Variants in CNTNAP2 observed in about 807,000 individuals in gnomAD.
CNTNAP2 encodes contactin associated protein 2.
CNTNAP2 carries 98 observed loss-of-function variants against 155.2 expected under a neutral mutation model. The ratio of observed to expected loss-of-function variants is 0.63; its 90% confidence interval spans 0.54 to 0.75. The LOEUF (loss-of-function observed/expected upper bound fraction) is 0.75, where lower values mean the gene tolerates loss of function less well. Ranked by LOEUF, CNTNAP2 falls within the 30% of genes least tolerant of loss-of-function variation. The pLI is 0.00. For synonymous variants in CNTNAP2, 651 were observed against 631.2 expected, an observed-to-expected ratio of 1.03 and a Z score of -0.47; for missense variants, 1,727 against 1,688.1, an observed-to-expected ratio of 1.02 and a Z score of -0.40.
chr7:148,110,435 C>T (rs1161951198), intron 15 of CNTNAP2, among the ~76,000 whole-genome samples: 1 of 151,838 alleles, frequency 6.6e-6, no homozygotes, highest in Non-Finnish European at 1.5e-5. Flanking sequence ...ATCACTCCCA[C>T]CCCCCACCAC....
rs150317450 is a variant in CNTNAP2, at chr7:148,363,504, G to C, written c.3476-20145G>C. Among the ~76,000 whole-genome samples, 926 of 152,324 alleles carry C rather than the reference G, an allele frequency of 6.1e-3. 6 individuals are homozygous for C. The highest frequency in any genetic ancestry group is 0.034 in the Middle Eastern group (10 of 294). ...CAAAAGGACTGCTTTTGCAGGGTGAGCTCAAAAACGTACGATGGGTTTACT... is the reference window on the plus strand; with the variant it reads ...CAAAAGGACTGCTTTTGCAGGGTGACCTCAAAAACGTACGATGGGTTTACT... On this transcript the variant is annotated intron_variant, in intron 21 of 23. Coordinates refer to ENST00000361727, the MANE Select transcript of CNTNAP2 (RefSeq NM_014141.6).
At chr7:146,759,999 T>C (rs1802063599) in intron 1 of CNTNAP2, among the ~76,000 whole-genome samples, 1 of 152,184 alleles carries the variant, frequency 6.6e-6, no homozygotes, top group South Asian at 2.1e-4. Context: ...AGGGAGCTTT[T>C]ACAAGTGCTG....
At chr7:148,081,515 C>T (rs1172713658) in intron 15 of CNTNAP2, among the ~76,000 whole-genome samples, 1 of 152,082 alleles carries the variant, frequency 6.6e-6, no homozygotes. Context: ...TTCTCCCATG[C>T]TTGATGCTTC....
chr7:147,176,702 T>A (rs376950968), intron 8 of CNTNAP2, among the ~76,000 whole-genome samples: 10 of 56,988 alleles, frequency 1.8e-4, no homozygotes, highest in African/African-American at 3.5e-4. Flanking sequence ...AATTATATAT[T>A]ATATATAATA....
chr7:148,065,386 T>C (rs776132912), intron 15 of CNTNAP2, among the ~76,000 whole-genome samples: 1 of 152,170 alleles, frequency 6.6e-6, no homozygotes, highest in Non-Finnish European at 1.5e-5. Context: ...CAGTGGAATA[T>C]TGAAGCCCCC....
At chr7:147,277,822 A>G (rs1234330129) in intron 8 of CNTNAP2, among the ~76,000 whole-genome samples, 2 of 151,424 alleles carry the variant, frequency 1.3e-5, no homozygotes, top group East Asian at 3.9e-4. Flanking sequence ...GGCCACAATA[A>G]TTTTTCCTTT....
At chr7:147,110,050 G>A (rs970940521) in intron 5 of CNTNAP2, among the ~76,000 whole-genome samples, 1 of 151,888 alleles carries the variant, frequency 6.6e-6, no homozygotes, top group Non-Finnish European at 1.5e-5. Context: ...TCAGCCTCCC[G>A]AGTAGCTGGG....
chr7:146,835,053 A>G (rs574273124), intron 2 of CNTNAP2, among the ~76,000 whole-genome samples: 2 of 152,168 alleles, frequency 1.3e-5, no homozygotes, highest in African/African-American at 4.8e-5. Context: ...CTCCACATAT[A>G]TTTCTGCTAA....
At chr7:146,664,106 G>A (rs746068195) in intron 1 of CNTNAP2, among the ~76,000 whole-genome samples, 2 of 148,262 alleles carry the variant, frequency 1.3e-5, no homozygotes, top group East Asian at 2.0e-4. Flanking sequence ...TTTATCATGC[G>A]TAAAGATGAG....
At chr7:146,602,839 T>C (rs369162766) in intron 1 of CNTNAP2, among the ~76,000 whole-genome samples, 1 of 152,176 alleles carries the variant, frequency 6.6e-6, no homozygotes, top group South Asian at 2.1e-4. Flanking sequence ...AAAGATTGTA[T>C]AGGATGGGGG....
rs1214476932 is a variant in CNTNAP2, at chr7:146,587,997, CGTGTGTGTATGTGTGTGT to C, written c.98-186265_98-186248del. Among the ~76,000 whole-genome samples, 6 of 135,780 alleles carry C rather than the reference CGTGTGTGTATGTGTGTGT, an allele frequency of 4.4e-5. 1 individual carries two copies. The highest frequency in any genetic ancestry group is 9.2e-5 in the Non-Finnish European group (6 of 65,224). 89.1% of individuals were successfully genotyped at this position (135,780 alleles called of 152,430 possible). A position where few individuals can be genotyped will look rare whatever the true frequency, so the allele number is the denominator to read the frequency against. ...CCTGATGATTAATTTTCAAACAAAC[CGTGTGTGTATGTGTGTGT>C]GTGTGTGTGTGTGTGTGTAAATGTC... On this transcript the variant is annotated intron_variant, in intron 1 of 23. Transcript: ENST00000361727.
rs145141389 is a variant in CNTNAP2 at position 147,014,612 on chromosome 7, G to A, written c.403-29295G>A. ...TTGGTTTAACATAATGTTCAAATCC[G>A]AAAGCCTGCTTTGCTCACCAACACC... On this transcript the variant is annotated intron_variant, in intron 3 of 23. Coordinates refer to ENST00000361727, the MANE Select transcript of CNTNAP2 (RefSeq NM_014141.6). 6.3e-3 allele frequency among the ~76,000 whole-genome samples: 950 copies of A among 151,994 alleles called. 9 individuals carry two copies. The highest frequency in any genetic ancestry group is 0.021 in the African/African-American group (858 of 41,458).
At chr7:146,944,043 T>C (rs182279155) in intron 3 of CNTNAP2, among the ~76,000 whole-genome samples, 9 of 152,264 alleles carry the variant, frequency 5.9e-5, no homozygotes, top group Admixed American at 5.9e-4. Flanking sequence ...TGGTACCATA[T>C]ATGGTCTGCG....
At chr7:146,335,795 A>T (rs1801264222) in intron 1 of CNTNAP2, among the ~76,000 whole-genome samples, 1 of 152,166 alleles carries the variant, frequency 6.6e-6, no homozygotes, top group Admixed American at 6.5e-5. Flanking sequence ...CACCATAGAG[A>T]AGGTGTTAGA....
At chr7:147,082,914 C>T (rs904336578) in intron 4 of CNTNAP2, 6 of 152,108 alleles carry the variant, frequency 3.9e-5, no homozygotes, top group Non-Finnish European at 5.9e-5. Context: ...TGGCCACACC[C>T]TTTCAGTTCT....
At chr7:147,861,880 G>A (rs999832817) in intron 13 of CNTNAP2, among the ~76,000 whole-genome samples, 1 of 151,532 alleles carries the variant, frequency 6.6e-6, no homozygotes, top group African/African-American at 2.4e-5. Context: ...CCTGGGCATG[G>A]TGGTGTACTC....
At chr7:146,707,481 T>C (rs529662052) in intron 1 of CNTNAP2, among the ~76,000 whole-genome samples, 1 of 152,270 alleles carries the variant, frequency 6.6e-6, no homozygotes, top group African/African-American at 2.4e-5. Context: ...AATTTCTTTC[T>C]TTTTGTTGGG....
intron 3 of CNTNAP2, among the ~76,000 whole-genome samples, chr7:147,009,143 T>C (rs7782438): frequency 0.55 from 84,143 of 151,820 alleles, 24,389 homozygotes; most frequent in African/African-American, 0.71. Flanking sequence ...TACATATAAG[T>C]AGCGCAAGTT....
At chr7:148,373,456 AAAAAC>A (rs1348666854) in intron 21 of CNTNAP2, among the ~76,000 whole-genome samples, 1 of 152,238 alleles carries the variant, frequency 6.6e-6, no homozygotes, top group African/African-American at 2.4e-5. Flanking sequence ...CTCAGTCTCA[AAAAAC>A]AACAACAACA....
Sources: gnomAD v4.1 joint callset for allele counts (sites outside exome capture counted in the v4.1 genomes callset) on GRCh38, gnomAD v4.1.1 for gene constraint, MANE v1.5 for transcripts, NCBI Gene and HGNC (gene_info 2026-07-23, HGNC 2026-07-21) for gene names.